Variants in TMEFF2 observed in about 807,000 individuals in gnomAD.
TMEFF2 encodes the protein transmembrane protein with EGF like and two follistatin like domains 2, also known as tomoregulin-2.
In TMEFF2, 28 loss-of-function variants were observed where a neutral mutation model predicts 53.8. That is an observed-to-expected ratio of 0.52 (90% CI 0.39 to 0.71). The LOEUF is 0.71. Among genes scored for constraint, TMEFF2 ranks in the 30% least tolerant of loss-of-function variants. The pLI, the probability that TMEFF2 is intolerant of heterozygous loss-of-function variation, is 0.00. For synonymous variants in TMEFF2, 162 were observed against 166.3 expected (o/e 0.97, Z 0.20); for missense variants, 353 against 455.2 (o/e 0.78, Z 2.04).
At chr2:192,102,573 CTTTTAT>C (rs1243187906) in intron 4 of TMEFF2, among the ~76,000 whole-genome samples, 4 of 150,106 alleles carry the variant, frequency 2.7e-5, no homozygotes, top group Non-Finnish European at 4.4e-5. Flanking sequence ...CCTTCCCCTC[CTTTTAT>C]TTTTATTTTA....
chr2:192,023,837 C>T (rs1484868288), intron 5 of TMEFF2, among the ~76,000 whole-genome samples: 1 of 152,130 alleles, frequency 6.6e-6, no homozygotes, highest in Non-Finnish European at 1.5e-5. Context: ...GATCACCTGA[C>T]TTGGGGGCAG....
intron 4 of TMEFF2, 99 bp from the exon 5 acceptor site, chr2:192,057,874 G>A (rs1687950166): frequency 1.1e-6 from 1 of 928,902 alleles, no homozygotes; most frequent in African/African-American, 1.6e-5. Context: ...TTTCCCAATG[G>A]ACCTGTCTGC....
At chr2:191,963,415 C>T (rs541592082) in intron 7 of TMEFF2, among the ~76,000 whole-genome samples, 33 of 152,276 alleles carry the variant, frequency 2.2e-4, no homozygotes, top group East Asian at 1.2e-3. Flanking sequence ...AAAGAAGCAA[C>T]GGGTCAGGTC....
At chr2:191,988,800 T>TTTG (rs71033652) in intron 7 of TMEFF2, among the ~76,000 whole-genome samples, 150,301 of 152,108 alleles carry the variant, frequency 0.99, 74,289 homozygotes, top group Middle Eastern at 1. Flanking sequence ...AGAGGTTTTT[T>TTTG]TTTTTTGTTT....
chr2:192,122,946 T>A (rs1689592531), intron 4 of TMEFF2, among the ~76,000 whole-genome samples: 1 of 152,140 alleles, frequency 6.6e-6, no homozygotes, highest in Non-Finnish European at 1.5e-5. Flanking sequence ...GTATTTGTAA[T>A]AATAACAAGG....
At chr2:192,122,865 G>A (rs1259053238) in intron 4 of TMEFF2, among the ~76,000 whole-genome samples, 2 of 151,910 alleles carry the variant, frequency 1.3e-5, no homozygotes, top group African/African-American at 2.4e-5. Flanking sequence ...TAACAGAATA[G>A]CAAAATGTAA....
intron 7 of TMEFF2, among the ~76,000 whole-genome samples, chr2:191,982,649 TA>T (rs1458829267): frequency 1.3e-5 from 2 of 152,178 alleles, no homozygotes; most frequent in Admixed American, 6.6e-5. Flanking sequence ...ATGAGTTTTA[TA>T]CTAAGAATAA....
At chr2:192,112,413 C>G (rs573481420) in intron 4 of TMEFF2, among the ~76,000 whole-genome samples, 11 of 152,290 alleles carry the variant, frequency 7.2e-5, no homozygotes, top group Admixed American at 5.2e-4. Flanking sequence ...GCCTGTACCC[C>G]CTTTGTTTTG....
chr2:192,173,872 TA>T (rs2106026865), intron 4 of TMEFF2, among the ~76,000 whole-genome samples: 1 of 151,918 alleles, frequency 6.6e-6, no homozygotes, highest in African/African-American at 2.4e-5. Flanking sequence ...AAATTCTAAT[TA>T]AACCCTTCGG....
intron 4 of TMEFF2, among the ~76,000 whole-genome samples, chr2:192,079,180 AG>A (rs1391752455): frequency 1.3e-5 from 2 of 152,208 alleles, no homozygotes; most frequent in Non-Finnish European, 2.9e-5. Context: ...CTTTAGGGTC[AG>A]CCCATTTTTG....
At position 191,950,273 on chromosome 2, in the gene TMEFF2, A is replaced by G. The variant is rs776537524; in HGVS notation, c.*38T>C. 36 of 1,607,222 alleles carry G rather than the reference A, an allele frequency of 2.2e-5. No homozygotes were observed. Among genetic ancestry groups the G allele is most frequent in the Middle Eastern group, 3.3e-4 (2 of 6,052 alleles). ...CTATAATACTGTATTGTGTAGTCCAAGCTCTCGGTAGTCCAGCCACTGTGA... is the reference window on the plus strand; with the variant it reads ...CTATAATACTGTATTGTGTAGTCCAGGCTCTCGGTAGTCCAGCCACTGTGA... On this transcript the variant is annotated 3_prime_UTR_variant, in exon 10 of 10. Transcript: ENST00000272771.
intron 7 of TMEFF2, among the ~76,000 whole-genome samples, chr2:191,973,634 T>G (rs908726900): frequency 6.6e-6 from 1 of 152,150 alleles, no homozygotes; most frequent in Non-Finnish European, 1.5e-5. Flanking sequence ...AAAATCTACT[T>G]TAAAATAGAT....
chr2:192,090,936 T>C (rs554608649), intron 4 of TMEFF2, among the ~76,000 whole-genome samples: 4 of 152,256 alleles, frequency 2.6e-5, no homozygotes, highest in East Asian at 1.9e-4. Flanking sequence ...ACATTACAAT[T>C]TCATGGTTCT....
chr2:192,125,395 A>C (rs903157842), intron 4 of TMEFF2, among the ~76,000 whole-genome samples: 1 of 152,300 alleles, frequency 6.6e-6, no homozygotes, highest in South Asian at 2.1e-4. Context: ...TTTAAAAAAC[A>C]TATAGAAATA....
intron 7 of TMEFF2, among the ~76,000 whole-genome samples, chr2:191,994,363 A>C (rs1254024052): frequency 1.3e-5 from 2 of 151,870 alleles, no homozygotes; most frequent in African/African-American, 4.8e-5. Flanking sequence ...AACCAATATC[A>C]TCTGACTTCA....
intron 4 of TMEFF2, among the ~76,000 whole-genome samples, chr2:192,069,988 G>GTGTATATA (rs1340532324): frequency 3.4e-5 from 4 of 118,840 alleles, no homozygotes; most frequent in Admixed American, 8.1e-5. Context: ...GTGTGTGTGT[G>GTGTATATA]TATATATATA....
At chr2:192,179,407 T>A (rs1372684184) in intron 4 of TMEFF2, 1 of 383,414 alleles carries the variant, frequency 2.6e-6, no homozygotes, top group Non-Finnish European at 4.7e-6. Flanking sequence ...CCTATCCATA[T>A]CAAAGATAAC....
Position 191,949,276 on chromosome 2 carries a change from T to C in TMEFF2, c.*1035A>G. 1 of 985,388 alleles carries C rather than the reference T, an allele frequency of 1.0e-6. No individual in the cohort carries two copies. The highest frequency in any genetic ancestry group is 1.2e-6 in the Non-Finnish European group (1 of 829,902). 61.0% of individuals were successfully genotyped at this position (985,388 alleles called of 1,614,324 possible). A position where few individuals can be genotyped will look rare whatever the true frequency, so the allele number is the denominator to read the frequency against. ...ATGCTATAGGATTAATTTTCTTTCT[T>C]ACCTCACCACATAAATATGCTCAAA... is the stretch of plus-strand genomic sequence containing the variant. On this transcript the variant is annotated 3_prime_UTR_variant, in exon 10 of 10. Transcript: ENST00000272771.
intron 4 of TMEFF2, among the ~76,000 whole-genome samples, chr2:192,175,282 A>C (rs1031740427): frequency 2.6e-5 from 4 of 151,728 alleles, no homozygotes; most frequent in African/African-American, 9.7e-5. Context: ...TATTTTTGCC[A>C]GTTTTTAGCA....
Sources: allele counts gnomAD v4.1 joint callset (sites outside exome capture counted in the v4.1 genomes callset), GRCh38; gene constraint gnomAD v4.1.1; transcripts MANE v1.5; gene names NCBI Gene and HGNC (gene_info 2026-07-23, HGNC 2026-07-21).